The following MYO3B variants were observed in gnomAD, a reference collection of about 807,000 sequenced individuals.
MYO3B encodes the protein myosin IIIB, also known as myosin-IIIb.
In MYO3B, 156 loss-of-function variants were observed where a neutral mutation model predicts 174.6. The observed-to-expected ratio is 0.89, with a 90% confidence interval of 0.78 to 1.02. The LOEUF is 1.02. MYO3B is among the 50% of genes least tolerant of loss of function. The probability of loss-of-function intolerance (pLI) is 0.00; values close to 1 mark genes in which losing one functional copy is unlikely to be tolerated. For synonymous variants in MYO3B, 563 were observed against 569.1 expected (o/e 0.99, Z 0.15); for missense variants, 1,632 against 1,639.4 (o/e 1.00, Z 0.08).
chr2:170,395,432 A>AG (rs2094437552), intron 16 of MYO3B, among the ~76,000 whole-genome samples: 1 of 152,238 alleles, frequency 6.6e-6, no homozygotes, highest in Non-Finnish European at 1.5e-5. Context: ...CGTACACTAT[A>AG]GATCCCTGTT....
intron 13 of MYO3B, 70 bp from the exon 14 acceptor site, chr2:170,387,036 A>G (rs1050657401): frequency 2.0e-6 from 3 of 1,502,158 alleles, no homozygotes; most frequent in Non-Finnish European, 2.8e-6. Context: ...TGGGCAAGGG[A>G]TGGTGCCTGG....
intron 6 of MYO3B, among the ~76,000 whole-genome samples, chr2:170,217,810 T>C (rs1331879551): frequency 6.6e-6 from 1 of 152,216 alleles, no homozygotes; most frequent in Non-Finnish European, 1.5e-5. Flanking sequence ...CCCTGGTTGT[T>C]TTTTTGTTAC....
chr2:170,514,800 T>C lies in MYO3B; in HGVS notation c.3371-121T>C, dbSNP rs1323184760. 3.2e-5 allele frequency: 23 copies of C among 725,960 alleles called. No individual in the cohort carries two copies. In the East Asian group the frequency reaches 5.9e-4, roughly 19 times the overall value. 45.0% of individuals were successfully genotyped at this position (725,960 alleles called of 1,614,324 possible). A position where few individuals can be genotyped will look rare whatever the true frequency, so the allele number is the denominator to read the frequency against. On this transcript the variant is annotated intron_variant, in intron 28 of 34. Transcript: ENST00000408978. ...AAGTTCATAAGTGAGATTAGTCACC[T>C]TGGTGCCTTGAACCGTAAGAAAAGT... is the stretch of plus-strand genomic sequence containing the variant.
intron 32 of MYO3B, among the ~76,000 whole-genome samples, chr2:170,569,993 C>T (rs1021346488): frequency 6.6e-6 from 1 of 151,970 alleles, no homozygotes; most frequent in African/African-American, 2.4e-5. Context: ...AAAAGCTCCT[C>T]AAGATAAGAC....
intron 32 of MYO3B, among the ~76,000 whole-genome samples, chr2:170,610,879 AAGCTAG>A (rs1296632928): frequency 1.3e-5 from 2 of 152,136 alleles, no homozygotes; most frequent in South Asian, 2.1e-4. Context: ...ATATATTGTG[AAGCTAG>A]TTTATATAAT....
intron 9 of MYO3B, among the ~76,000 whole-genome samples, chr2:170,371,288 C>G (rs1219214740): frequency 6.6e-6 from 1 of 150,380 alleles, no homozygotes; most frequent in Non-Finnish European, 1.5e-5. Context: ...ACCAGCCTCT[C>G]TCATCCCCTT....
chr2:170,326,006 C>T (rs2093864040), intron 7 of MYO3B, among the ~76,000 whole-genome samples: 1 of 152,150 alleles, frequency 6.6e-6, no homozygotes, highest in African/African-American at 2.4e-5. Context: ...TATAAAACAA[C>T]TCTTTTAAAA....
chr2:170,346,630 C>T (rs1430594873), intron 8 of MYO3B, among the ~76,000 whole-genome samples: 2 of 151,982 alleles, frequency 1.3e-5, no homozygotes, highest in Non-Finnish European at 2.9e-5. Flanking sequence ...TGTTAAATTC[C>T]TCCTCCTCAA....
chr2:170,236,627 G>A (rs2093073967), intron 7 of MYO3B, among the ~76,000 whole-genome samples: 1 of 152,214 alleles, frequency 6.6e-6, no homozygotes, highest in African/African-American at 2.4e-5. Context: ...AAAATTGTGC[G>A]GAAAGAGGTC....
In MYO3B at chr2:170,278,182, A is replaced by T. The variant is rs143803912; in HGVS notation, c.749+42046A>T. Among the ~76,000 whole-genome samples, 45 of 152,304 alleles carry T rather than the reference A, an allele frequency of 3.0e-4. 1 individual carries two copies. The highest frequency in any genetic ancestry group is 1.0e-3 in the African/African-American group (43 of 41,592). Reference sequence around the variant, plus strand: ...CCTTGGAAACAATATGGCGATAGTGACATCAGTAGCAATTATGTGTAATTT... The same window carrying T: ...CCTTGGAAACAATATGGCGATAGTGTCATCAGTAGCAATTATGTGTAATTT... On this transcript the variant is annotated intron_variant, in intron 7 of 34. Transcript: ENST00000408978.
chr2:170,316,637 G>T (rs987669738), intron 7 of MYO3B, among the ~76,000 whole-genome samples: 2 of 152,320 alleles, frequency 1.3e-5, no homozygotes, highest in Middle Eastern at 3.4e-3. Flanking sequence ...GTCTTCTGCT[G>T]CCTTGGCTTA....
At chr2:170,375,981 C>A (rs1052681435) in intron 9 of MYO3B, among the ~76,000 whole-genome samples, 20 of 152,168 alleles carry the variant, frequency 1.3e-4, no homozygotes, top group African/African-American at 4.8e-4. Context: ...TAATTTTATG[C>A]TGGTGTTACT....
intron 32 of MYO3B, among the ~76,000 whole-genome samples, chr2:170,597,995 A>G (rs1244711150): frequency 6.6e-6 from 1 of 152,208 alleles, no homozygotes; most frequent in African/African-American, 2.4e-5. Context: ...GGGGACAGCT[A>G]AAATGATTAA....
chr2:170,515,397 T>C (rs1688244794), intron 29 of MYO3B, among the ~76,000 whole-genome samples: 2 of 152,172 alleles, frequency 1.3e-5, no homozygotes, highest in Admixed American at 1.3e-4. Flanking sequence ...AAGTTTAGTG[T>C]CTTGGGAAGA....
At chr2:170,391,872 G>T (rs2094414174) in intron 15 of MYO3B, among the ~76,000 whole-genome samples, 1 of 152,050 alleles carries the variant, frequency 6.6e-6, no homozygotes, top group Non-Finnish European at 1.5e-5. Context: ...TAAAGGAAAT[G>T]GGCTGGGTGT....
intron 8 of MYO3B, among the ~76,000 whole-genome samples, chr2:170,351,632 G>A (rs1417375707): frequency 1.3e-5 from 2 of 152,034 alleles, no homozygotes; most frequent in African/African-American, 2.4e-5. Flanking sequence ...TGGGCAAAGG[G>A]GAAGTGAGAG....
chr2:170,611,448 G>A (rs948526175), intron 32 of MYO3B, among the ~76,000 whole-genome samples: 10 of 152,194 alleles, frequency 6.6e-5, no homozygotes, highest in African/African-American at 9.6e-5. Flanking sequence ...AAAGCTTCAC[G>A]TAAAATTTGT....
At chr2:170,383,638 G>A in intron 11 of MYO3B, 72 bp from the exon 12 acceptor site, 1 of 1,176,280 alleles carries the variant, frequency 8.5e-7, no homozygotes, top group Non-Finnish European at 1.3e-6. Flanking sequence ...CAGATTCTTG[G>A]TTTCATGGGC....
intron 22 of MYO3B, among the ~76,000 whole-genome samples, chr2:170,415,779 C>A (rs1018753489): frequency 1.3e-5 from 2 of 152,126 alleles, no homozygotes; most frequent in Non-Finnish European, 2.9e-5. Context: ...CGCAGCATCC[C>A]TTCCTCTCTT....
Sources: allele counts gnomAD v4.1 joint callset (sites outside exome capture counted in the v4.1 genomes callset), GRCh38; gene constraint gnomAD v4.1.1; transcripts MANE v1.5; gene names NCBI Gene and HGNC (gene_info 2026-07-23, HGNC 2026-07-21).